SVIL: variants seen among roughly 807,000 people sequenced by gnomAD.
SVIL encodes supervillin, also known as archvillin.
A neutral mutation model predicts 240.4 loss-of-function variants in SVIL; 101 were observed. The observed-to-expected ratio is 0.42, with a 90% CI of 0.36 to 0.50. The LOEUF is 0.50. SVIL is among the 20% of genes least tolerant of loss of function. The probability of loss-of-function intolerance (pLI) is 0.01; values close to 1 mark genes in which losing one functional copy is unlikely to be tolerated. For synonymous variants in SVIL, 999 were observed against 1,100.0 expected (o/e 0.91, Z 1.82); for missense variants, 2,512 against 2,818.7 (o/e 0.89, Z 2.46).
At chr10:29,638,333 G>A (rs1295370749), upstream of SVIL, among the ~76,000 whole-genome samples, 1 of 151,982 alleles carries the variant, frequency 6.6e-6, no homozygotes, top group Non-Finnish European at 1.5e-5. Context: ...ATGGTGGCTG[G>A]CATGTGCCTG....
In SVIL at chr10:29,533,278, T is replaced by A; in HGVS notation, c.1089A>T (p.Pro363=). The A allele has an allele frequency of 6.2e-7, 1 of 1,614,074 alleles. No homozygotes were observed. Among genetic ancestry groups the A allele is most frequent in the Non-Finnish European group, 8.5e-7 (1 of 1,180,002 alleles). ...PSKAAGSTRQ[P]IRGYVQPADT... is the part of the protein sequence containing the mutation. ...CTGCGGGTTGGACATAGCCACGGAT[T>A]GGCTGTCGTGTAGAGCCTGCTGCCT... The change falls in exon 8 of 38, where the codon CCA becomes CCT. Residue 363 remains proline (P), a synonymous_variant. Transcript: ENST00000355867.
upstream of SVIL, among the ~76,000 whole-genome samples, chr10:29,638,807 G>A (rs1464388576): frequency 6.6e-6 from 1 of 152,172 alleles, no homozygotes; most frequent in South Asian, 2.1e-4. Context: ...AATACCTAGG[G>A]CCCATCCAAA....
rs1052192170 is a variant in SVIL, at chr10:29,512,624, A to C, written c.3516+111T>G. Reference sequence around the variant, plus strand: ...TCTCAGTGTGTACCCTAAGGGCAAAAATGCACAAATGCTTCACAGAGTAGG... The same window carrying C: ...TCTCAGTGTGTACCCTAAGGGCAAACATGCACAAATGCTTCACAGAGTAGG... On this transcript the variant is annotated intron_variant, in intron 17 of 37. Transcript: ENST00000355867. 4 of 1,588,732 alleles carry C rather than the reference A, an allele frequency of 2.5e-6. No homozygotes were observed. The African/African-American group carries it at 4.0e-5, about 16-fold the overall frequency.
At chr10:29,717,223 ACTCT>A (rs146073951) in intron 1 of SVIL, among the ~76,000 whole-genome samples, 8 of 103,762 alleles carry the variant, frequency 7.7e-5, no homozygotes, top group Non-Finnish European at 1.3e-4. Flanking sequence ...ACAGAGCAAG[ACTCT>A]CTCTCAAAAA....
At chr10:29,493,931 T>C (rs549112904) in intron 20 of SVIL, among the ~76,000 whole-genome samples, 41 of 152,172 alleles carry the variant, frequency 2.7e-4, no homozygotes, top group Middle Eastern at 3.4e-3. Context: ...TCCCAGCACT[T>C]TGGGAGGCTG....
At chr10:29,713,200 A>T (rs1564352420) in intron 1 of SVIL, among the ~76,000 whole-genome samples, 1 of 151,866 alleles carries the variant, frequency 6.6e-6, no homozygotes, top group Non-Finnish European at 1.5e-5. Context: ...AAAAAAAAAA[A>T]CTGCAGTGGT....
chr10:29,623,085 T>A (rs1014689568), intron 1 of SVIL, among the ~76,000 whole-genome samples: 1 of 152,140 alleles, frequency 6.6e-6, no homozygotes, highest in Non-Finnish European at 1.5e-5. Flanking sequence ...CCCCAGGAAA[T>A]TTTCCCCTAA....
At chr10:29,545,073 C>T (rs766035352) in intron 6 of SVIL, 9 of 534,584 alleles carry the variant, frequency 1.7e-5, no homozygotes, top group Admixed American at 1.9e-5. Context: ...GACACGAGAG[C>T]GTGGAAGGTC....
At chr10:29,508,594 C>G in intron 17 of SVIL, 1 of 357,872 alleles carries the variant, frequency 2.8e-6, no homozygotes, top group South Asian at 2.1e-5. Context: ...ATTCCCTCAG[C>G]CTTTCTCTCC....
At chr10:29,530,694 T>G in intron 10 of SVIL, 26 bp from the exon 11 acceptor site, 1 of 1,613,910 alleles carries the variant, frequency 6.2e-7, no homozygotes, top group Non-Finnish European at 8.5e-7. Flanking sequence ...AATTAAAAAC[T>G]GGACATCATT....
chr10:29,502,903 G>A lies in SVIL; in HGVS notation c.3517-3640C>T, dbSNP rs114072788. On this transcript the variant is annotated intron_variant, in intron 17 of 37. Coordinates refer to ENST00000355867, the MANE Select transcript of SVIL (RefSeq NM_021738.3). ...GCAAATCTCACTCAATGTTTCTCACGCAGGGATGTGATCCAACACAGAGCA... is the reference window on the plus strand; with the variant it reads ...GCAAATCTCACTCAATGTTTCTCACACAGGGATGTGATCCAACACAGAGCA... 4.6e-5 allele frequency among the ~76,000 whole-genome samples: 7 copies of A among 152,198 alleles called. No individual in the cohort carries two copies. In the South Asian group the frequency reaches 6.2e-4, roughly 14 times the overall value.
chr10:29,517,039 A>C (rs996442157), intron 16 of SVIL, among the ~76,000 whole-genome samples: 3 of 152,198 alleles, frequency 2.0e-5, no homozygotes, highest in African/African-American at 7.2e-5. Context: ...TACTTATATT[A>C]GATCTTGGTT....
intron 2 of SVIL, among the ~76,000 whole-genome samples, chr10:29,668,222 C>T (rs1404194082): frequency 6.6e-6 from 1 of 152,062 alleles, no homozygotes; most frequent in African/African-American, 2.4e-5. Context: ...GCCTGGGCAC[C>T]AGAGTGAGAC....
intron 1 of SVIL, among the ~76,000 whole-genome samples, chr10:29,713,769 A>T (rs561508445): frequency 6.6e-6 from 1 of 152,248 alleles, no homozygotes; most frequent in Non-Finnish European, 1.5e-5. Flanking sequence ...CAAACTATGT[A>T]CTACAGGATA....
chr10:29,654,309 A>G (rs1247453), intron 3 of SVIL, among the ~76,000 whole-genome samples: 59,833 of 151,872 alleles, frequency 0.39, 12,687 homozygotes, highest in African/African-American at 0.55. Flanking sequence ...ATTAGAAAAC[A>G]AATTATTGTT....
chr10:29,718,715 G>A (rs1016954797), intron 1 of SVIL, among the ~76,000 whole-genome samples: 2 of 152,122 alleles, frequency 1.3e-5, no homozygotes, highest in South Asian at 4.2e-4. Flanking sequence ...ATGTTTCTGA[G>A]CAAACTACAT....
chr10:29,731,037 C>T (rs1298498773), intron 1 of SVIL, among the ~76,000 whole-genome samples: 1 of 152,214 alleles, frequency 6.6e-6, no homozygotes, highest in Non-Finnish European at 1.5e-5. Context: ...AACGCCTCTT[C>T]TATCTTCCTG....
intron 9 of SVIL, 104 bp downstream of exon 9, chr10:29,531,898 A>G: frequency 1.5e-6 from 2 of 1,295,892 alleles, no homozygotes; most frequent in Non-Finnish European, 2.1e-6. Context: ...CAATTATGGA[A>G]TCGCCAACAT....
rs578080178 is a variant in SVIL at position 29,681,868 on chromosome 10, AG to A, written c.-301+4684del. On this transcript the variant is annotated intron_variant, in intron 2 of 35. Coordinates refer to the SVIL transcript ENST00000375400. ...TCAACAGATGCAGGGCTTCTTACAC[AG>A]GCTAGGAAGGGAGACCAAAGGGGCA... Among the ~76,000 whole-genome samples, 14 of 152,242 alleles carry A rather than the reference AG, an allele frequency of 9.2e-5. No individual in the cohort carries two copies. The South Asian group carries it at 2.9e-3, about 32-fold the overall frequency.
Sources: allele counts gnomAD v4.1 joint callset (sites outside exome capture counted in the v4.1 genomes callset), GRCh38; gene constraint gnomAD v4.1.1; transcripts MANE v1.5; gene names NCBI Gene and HGNC (gene_info 2026-07-23, HGNC 2026-07-21).